TAAR5: variants seen among roughly 807,000 people sequenced by gnomAD.
The protein encoded by TAAR5 is trace amine associated receptor 5.
Under a neutral mutation model 21.1 loss-of-function variants are expected in TAAR5, and 27 were observed. The observed-to-expected ratio is 1.28, with a 90% confidence interval of 0.94 to 1.76. The LOEUF (loss-of-function observed/expected upper bound fraction) is 1.76, where lower values mean the gene tolerates loss of function less well. Ranked by LOEUF, TAAR5 falls within the 40% of genes most tolerant of loss-of-function variation. The pLI is 0.00. For missense variants in TAAR5, 495 were observed against 405.6 expected, an observed-to-expected ratio of 1.22 and a Z score of -1.89; for synonymous variants, 203 against 167.5, an observed-to-expected ratio of 1.21 and a Z score of -1.64.
chr6:132,602,510 C>T, the TAAR5 span, among the ~76,000 whole-genome samples: 1 of 152,118 alleles, frequency 6.6e-6, no homozygotes, highest in South Asian at 2.1e-4. Flanking sequence ...AGGCAGTGAG[C>T]TCAGGCCGTA....
chr6:132,601,528 T>A, the TAAR5 span, among the ~76,000 whole-genome samples: 7 of 152,178 alleles, frequency 4.6e-5, no homozygotes, highest in Non-Finnish European at 1.0e-4. Flanking sequence ...TGACATGCAG[T>A]AAAATACATT....
At chr6:132,600,923 A>G in the TAAR5 span, among the ~76,000 whole-genome samples, 79 of 109,030 alleles carry the variant, frequency 7.2e-4, no homozygotes, top group South Asian at 2.7e-3. Context: ...GAAGGAAGGA[A>G]GGAGGGAAGG....
chr6:132,603,025 C>T, the TAAR5 span, among the ~76,000 whole-genome samples: 48,000 of 151,592 alleles, frequency 0.32, 8,013 homozygotes, highest in Non-Finnish European at 0.38. Context: ...AGAAAATTGT[C>T]GGCCAGGCAC....
At chr6:132,594,285 A>T (rs182790945), upstream of TAAR5, 1 of 152,198 alleles carries the variant, frequency 6.6e-6, no homozygotes, top group Admixed American at 6.5e-5. Context: ...CACTACGCCA[A>T]CTGGAAGGAT....
At chr6:132,606,377 T>G in the TAAR5 span, among the ~76,000 whole-genome samples, 2 of 152,150 alleles carry the variant, frequency 1.3e-5, no homozygotes, top group Non-Finnish European at 2.9e-5. Flanking sequence ...GTATAAATGA[T>G]CTATCACTAC....
the TAAR5 span, chr6:132,608,916 G>C: frequency 8.8e-6 from 4 of 455,978 alleles, no homozygotes; most frequent in African/African-American, 4.0e-5. Context: ...TGGAACAGAG[G>C]TGGAAAATGG....
At chr6:132,614,616 C>T in the TAAR5 span, among the ~76,000 whole-genome samples, 1 of 152,088 alleles carries the variant, frequency 6.6e-6, no homozygotes, top group African/African-American at 2.4e-5. Context: ...CAATGACCGT[C>T]CTCTTGTGGC....
chr6:132,598,652 C>T, the TAAR5 span, among the ~76,000 whole-genome samples: 1 of 152,166 alleles, frequency 6.6e-6, no homozygotes, highest in Non-Finnish European at 1.5e-5. Context: ...GGGGCAGTGT[C>T]CTATGTCCTG....
chr6:132,603,128 C>T, the TAAR5 span, among the ~76,000 whole-genome samples: 9 of 151,794 alleles, frequency 5.9e-5, no homozygotes, highest in Admixed American at 5.9e-4. Flanking sequence ...GATGGTGAGA[C>T]TCCATCTTGA....
At chr6:132,616,242 CA>C in the TAAR5 span, among the ~76,000 whole-genome samples, 1 of 152,178 alleles carries the variant, frequency 6.6e-6, no homozygotes, top group Non-Finnish European at 1.5e-5. Context: ...CACAGCCCAT[CA>C]GTTATTAATG....
At chr6:132,604,146 C>CTTTTTTTTTTTTTTTTTT in the TAAR5 span, among the ~76,000 whole-genome samples, 3 of 126,006 alleles carry the variant, frequency 2.4e-5, no homozygotes, top group African/African-American at 5.9e-5. Context: ...TTTTTCTTTT[C>CTTTTTTTTTTTTTTTTTT]TTTTTTTTTT....
At chr6:132,608,807 C>A in the TAAR5 span, 93 of 455,880 alleles carry the variant, frequency 2.0e-4, no homozygotes, top group Non-Finnish European at 3.8e-4. Flanking sequence ...AGAGCAGGAA[C>A]TGACCAGCAA....
the TAAR5 span, among the ~76,000 whole-genome samples, chr6:132,605,494 C>T: frequency 6.6e-6 from 1 of 152,134 alleles, no homozygotes; most frequent in African/African-American, 2.4e-5. Context: ...ACAGACAGTT[C>T]TCATTCTAAC....
rs756684135 is a variant in TAAR5 at position 132,588,784 on chromosome 6, G to T, written c.903C>A (p.Asn301Lys). The T allele has an allele frequency of 8.7e-6, 14 of 1,613,990 alleles. No individual in the cohort carries two copies. In the East Asian group the frequency reaches 2.7e-4, roughly 31 times the overall value. The change falls in exon 1 of 1, where the codon AAC becomes AAA. Residue 301 changes from asparagine (N) to lysine (K), a missense_variant. By Grantham distance (94) the Asn-to-Lys change is moderately conservative. Transcript: ENST00000258034. ...GGTAGGAAAAGACATAGATGATGGG[G>T]TTGCAGGCTGAGTTGAAGTAAGCAA... is the stretch of plus-strand genomic sequence containing the variant. The part of the protein sequence containing the change: ...IWFAYFNSAC[N>K]PIIYVFSYQW...
At chr6:132,604,020 G>T in the TAAR5 span, among the ~76,000 whole-genome samples, 1 of 151,772 alleles carries the variant, frequency 6.6e-6, no homozygotes, top group Non-Finnish European at 1.5e-5. Flanking sequence ...AAAGTTACAT[G>T]TTAAGTGAAA....
upstream of TAAR5, among the ~76,000 whole-genome samples, chr6:132,590,979 T>C (rs574137698): frequency 6.6e-6 from 1 of 152,212 alleles, no homozygotes; most frequent in African/African-American, 2.4e-5. Context: ...TTTTGGTTCA[T>C]GAAGGGGTGG....
chr6:132,615,848 C>A, the TAAR5 span, among the ~76,000 whole-genome samples: 5 of 148,824 alleles, frequency 3.4e-5, no homozygotes, highest in Non-Finnish European at 5.9e-5. Context: ...AGGAATATTT[C>A]AGTGAAACAC....
chr6:132,613,615 A>G, the TAAR5 span, among the ~76,000 whole-genome samples: 1 of 152,198 alleles, frequency 6.6e-6, no homozygotes, highest in African/African-American at 2.4e-5. Context: ...AGCCACATAC[A>G]TTTGGAAAAA....
At chr6:132,607,176 C>A in the TAAR5 span, among the ~76,000 whole-genome samples, 1 of 152,060 alleles carries the variant, frequency 6.6e-6, no homozygotes, top group East Asian at 1.9e-4. Flanking sequence ...GCCCGGGTGA[C>A]AGAGTGAGAC....
Sources: allele counts gnomAD v4.1 joint callset (sites outside exome capture counted in the v4.1 genomes callset), GRCh38; gene constraint gnomAD v4.1.1; transcripts MANE v1.5; gene names NCBI Gene and HGNC (gene_info 2026-07-23, HGNC 2026-07-21).